Variants in DGKI observed in about 807,000 individuals in gnomAD.
DGKI encodes the protein diacylglycerol kinase iota.
DGKI carries 55 observed loss-of-function variants against 147.5 expected under a neutral mutation model. The observed-to-expected ratio is 0.37, with a 90% CI of 0.30 to 0.47. The LOEUF (loss-of-function observed/expected upper bound fraction) is 0.47. Ranked by LOEUF, DGKI falls within the 20% of genes least tolerant of loss-of-function variation. The probability of loss-of-function intolerance (pLI) is 1.00; values close to 1 mark genes in which losing one functional copy is unlikely to be tolerated. For synonymous variants in DGKI, 469 were observed against 477.1 expected, an observed-to-expected ratio of 0.98 and a Z score of 0.22; for missense variants, 1,007 against 1,323.8, an observed-to-expected ratio of 0.76 and a Z score of 3.71.
At chr7:137,647,217 C>A (rs1023835271) in intron 5 of DGKI, among the ~76,000 whole-genome samples, 7 of 152,036 alleles carry the variant, frequency 4.6e-5, no homozygotes, top group Non-Finnish European at 7.4e-5. Context: ...AGTAGAGATG[C>A]CACTTAGTTG....
chr7:137,463,363 C>T, intron 27 of DGKI, 126 bp downstream of exon 27: 1 of 1,330,226 alleles, frequency 7.5e-7, no homozygotes. Context: ...CACAGAGTAG[C>T]ACCTGCATGA....
intron 1 of DGKI, among the ~76,000 whole-genome samples, chr7:137,710,328 C>A (rs2116561730): frequency 6.6e-6 from 1 of 152,094 alleles, no homozygotes. Flanking sequence ...TTAAGACTCC[C>A]TAGGAAAAAG....
chr7:137,753,003 A>T (rs1795555302), intron 1 of DGKI, among the ~76,000 whole-genome samples: 1 of 151,832 alleles, frequency 6.6e-6, no homozygotes, highest in African/African-American at 2.4e-5. Flanking sequence ...ACTCACAAAC[A>T]TACACGTGTT....
intron 10 of DGKI, among the ~76,000 whole-genome samples, chr7:137,600,819 A>G (rs147777156): frequency 8.5e-4 from 130 of 152,320 alleles, no homozygotes; most frequent in African/African-American, 3.1e-3. Context: ...GACATTTTCA[A>G]TCTCCATGCC....
At chr7:137,770,475 A>G (rs191224307) in intron 1 of DGKI, among the ~76,000 whole-genome samples, 1 of 152,188 alleles carries the variant, frequency 6.6e-6, no homozygotes, top group Non-Finnish European at 1.5e-5. Context: ...CAAAACTTAT[A>G]AGTAAAACAG....
chr7:137,719,031 T>C (rs1242694484), intron 1 of DGKI, among the ~76,000 whole-genome samples: 2 of 152,200 alleles, frequency 1.3e-5, no homozygotes, highest in Non-Finnish European at 1.5e-5. Context: ...GAGAACTAGA[T>C]TTTCTGTATC....
At chr7:137,793,166 C>T (rs1559490) in intron 1 of DGKI, among the ~76,000 whole-genome samples, 48,409 of 151,970 alleles carry the variant, frequency 0.32, 7,907 homozygotes, top group Middle Eastern at 0.41. Flanking sequence ...CAAGGAGCAA[C>T]GTTCGTTCCT....
intron 4 of DGKI, among the ~76,000 whole-genome samples, chr7:137,655,040 T>A (rs74890512): frequency 6.6e-6 from 1 of 152,134 alleles, no homozygotes; most frequent in Non-Finnish European, 1.5e-5. Flanking sequence ...TAAACGATAA[T>A]GCTCTTACAC....
chr7:137,577,513 G>A (rs769518108), intron 16 of DGKI, among the ~76,000 whole-genome samples: 3 of 152,194 alleles, frequency 2.0e-5, no homozygotes, highest in Non-Finnish European at 2.9e-5. Flanking sequence ...AACACAGAAT[G>A]AGAGTGAAAA....
At position 137,500,702 on chromosome 7, in the gene DGKI, T is replaced by C. The variant is rs1184079961; in HGVS notation, c.2249-13013A>G. 2.6e-5 allele frequency among the ~76,000 whole-genome samples: 4 copies of C among 152,108 alleles called. No individual in the cohort carries two copies. In the East Asian group the frequency reaches 7.7e-4, roughly 29 times the overall value. ...AAACCAATGTTGTTAAAGGTTACAA[T>C]GAAAGGTGCCTAGAGTTGTTTCTTA... On this transcript the variant is annotated intron_variant, in intron 21 of 32. Transcript: ENST00000614521.
At chr7:137,779,933 C>T (rs1209852928) in intron 1 of DGKI, among the ~76,000 whole-genome samples, 6 of 152,118 alleles carry the variant, frequency 3.9e-5, no homozygotes, top group African/African-American at 1.4e-4. Flanking sequence ...AGTAAGAAAG[C>T]ATCAGTGAAG....
chr7:137,497,903 G>A (rs1211016007), intron 21 of DGKI, among the ~76,000 whole-genome samples: 2 of 152,020 alleles, frequency 1.3e-5, no homozygotes, highest in Non-Finnish European at 2.9e-5. Flanking sequence ...CTAAACACCT[G>A]TGACACAAAA....
intron 21 of DGKI, among the ~76,000 whole-genome samples, chr7:137,497,674 A>T (rs1429837000): frequency 2.0e-5 from 3 of 152,168 alleles, no homozygotes; most frequent in Non-Finnish European, 4.4e-5. Flanking sequence ...CATTACCCTC[A>T]GCGAACTAAT....
intron 12 of DGKI, among the ~76,000 whole-genome samples, chr7:137,591,302 A>C (rs1354546264): frequency 6.6e-6 from 1 of 152,166 alleles, no homozygotes; most frequent in Non-Finnish European, 1.5e-5. Context: ...TTGTCTCCTG[A>C]ATATAAGCAG....
intron 1 of DGKI, among the ~76,000 whole-genome samples, chr7:137,759,866 C>CA (rs1383613127): frequency 1.3e-5 from 2 of 151,900 alleles, no homozygotes; most frequent in Non-Finnish European, 1.5e-5. Context: ...GAAAAAAAAA[C>CA]AGAGTCTTGA....
At chr7:137,596,266 ATGTGAG>A (rs1188207634) in intron 12 of DGKI, among the ~76,000 whole-genome samples, 3 of 152,124 alleles carry the variant, frequency 2.0e-5, no homozygotes, top group Admixed American at 6.6e-5. Context: ...AGGAGAAAAG[ATGTGAG>A]TGAGATGCTG....
In DGKI at chr7:137,824,314, C is replaced by T. The variant is rs542171060; in HGVS notation, c.401+22148G>A. ...GGTGGATAACCTGAGGTCAGGAGTT[C>T]GAGACCAGCCTGAGCAACATGGAGA... On this transcript the variant is annotated intron_variant, in intron 1 of 32. Coordinates refer to ENST00000614521, the MANE Select transcript of DGKI (RefSeq NM_001321708.2). Among the ~76,000 whole-genome samples the T allele has an allele frequency of 5.3e-5, 8 of 152,094 alleles. No homozygotes were observed. The South Asian group carries it at 1.0e-3, about 20-fold the overall frequency.
At chr7:137,447,600 A>C (rs983110764) in intron 27 of DGKI, among the ~76,000 whole-genome samples, 1 of 152,232 alleles carries the variant, frequency 6.6e-6, no homozygotes, top group South Asian at 2.1e-4. Flanking sequence ...AATTGCATAG[A>C]ATCCTACCAG....
intron 25 of DGKI, among the ~76,000 whole-genome samples, chr7:137,466,239 T>C (rs898500629): frequency 6.6e-6 from 1 of 152,260 alleles, no homozygotes; most frequent in African/African-American, 2.4e-5. Context: ...GGATTTCCAA[T>C]TAACCAGGAC....
Sources: gnomAD v4.1 joint callset for allele counts (sites outside exome capture counted in the v4.1 genomes callset) on GRCh38, gnomAD v4.1.1 for gene constraint, MANE v1.5 for transcripts, NCBI Gene and HGNC (gene_info 2026-07-23, HGNC 2026-07-21) for gene names.